Variants in CDKN2A observed in about 807,000 individuals in gnomAD.
The protein encoded by CDKN2A is cyclin-dependent kinase inhibitor 2A.
Under a neutral mutation model 11.1 loss-of-function variants are expected in CDKN2A, and 3 were observed. The ratio of observed to expected loss-of-function variants is 0.27; its 90% CI spans 0.12 to 0.70. The LOEUF (loss-of-function observed/expected upper bound fraction) is 0.70, where lower values mean the gene tolerates loss of function less well. Ranked by LOEUF, CDKN2A falls within the 30% of genes least tolerant of loss-of-function variation. CDKN2A has a pLI of 0.77. For synonymous variants in CDKN2A, 122 were observed against 108.1 expected (o/e 1.13, Z -0.80); for missense variants, 265 against 233.6 (o/e 1.13, Z -0.88).
chr9:21,971,067 G>T lies in CDKN2A; in HGVS notation c.292C>A (p.His98Asn), dbSNP rs1064793953. 1 of 1,605,636 alleles carries T rather than the reference G, an allele frequency of 6.2e-7. No individual in the cohort carries two copies. The change falls in exon 2 of 3, where the codon CAC (histidine) becomes AAC (asparagine). Residue 98 changes from histidine (H) to asparagine (N), a missense_variant. His to Asn is a moderately conservative substitution (Grantham distance 68, BLOSUM62 1). Transcript: ENST00000304494. ...EGFLDTLVVL[H>N]RAGARLDVRD... ...ACGTCCAGCCGCGCCCCGGCCCGGT[G>T]CAGCACCACCAGCGTGTCCAGGAAG... is the stretch of plus-strand genomic sequence containing the variant.
rs1554659233 is a variant in CDKN2A, at chr9:21,994,278, C to T, written c.-175-225G>A. On this transcript the variant is annotated intron_variant, in intron 1 of 3. Transcript: ENST00000494262. ...TGTGAACCACGAAAACCCTCACTCG[C>T]GGCGGGCCGCACGCGCGCCGAATCC... 6.2e-7 allele frequency: 1 copy of T among 1,604,010 alleles called. No individual in the cohort carries two copies.
chr9:21,970,525 C>T (rs756846704), intron 2 of CDKN2A: 2 of 483,624 alleles, frequency 4.1e-6, no homozygotes, highest in Non-Finnish European at 7.4e-6. Flanking sequence ...AATGAGGAAA[C>T]AGACCTGGTA....
intron 2 of CDKN2A, chr9:21,969,618 C>A: frequency 2.6e-6 from 1 of 383,528 alleles, no homozygotes; most frequent in Non-Finnish European, 4.6e-6. Context: ...TATTCATTTG[C>A]TTGTGGCCCA....
chr9:21,976,378 CA>C (rs71336505), upstream of CDKN2A, among the ~76,000 whole-genome samples: 20,623 of 123,900 alleles, frequency 0.17, 1,665 homozygotes, highest in Admixed American at 0.26. Context: ...GACTCCGACT[CA>C]AAAAAAAAAA....
upstream of CDKN2A, among the ~76,000 whole-genome samples, chr9:21,975,510 A>C (rs1273608072): frequency 6.6e-6 from 1 of 151,404 alleles, no homozygotes; most frequent in East Asian, 2.0e-4. Context: ...GGGTTCACTA[A>C]GTCAGAAACC....
At chr9:21,977,598 T>G (rs1405110754), upstream of CDKN2A, among the ~76,000 whole-genome samples, 2 of 152,164 alleles carry the variant, frequency 1.3e-5, no homozygotes, top group Non-Finnish European at 2.9e-5. Context: ...ACTCCTGACC[T>G]CAGGTGATCC....
chr9:21,994,219 C>T lies in CDKN2A; in HGVS notation c.-175-166G>A, dbSNP rs1563902798. On this transcript the variant is annotated intron_variant, in intron 1 of 3. Transcript: ENST00000494262. ...CACGAGGGCCACAGCGGCGGGCGCC[C>T]CTGGCGCTGCCCACTCCCCCGTGAG... 1 of 1,605,934 alleles carries T rather than the reference C, an allele frequency of 6.2e-7. No individual in the cohort carries two copies. The highest frequency in any genetic ancestry group is 1.1e-5 in the South Asian group (1 of 90,968).
chr9:21,987,203 C>T (rs911724397), intron 2 of CDKN2A, among the ~76,000 whole-genome samples: 1 of 151,880 alleles, frequency 6.6e-6, no homozygotes, highest in African/African-American at 2.4e-5. Flanking sequence ...GACATAAAGA[C>T]CCATCATTTT....
chr9:21,971,269 T>C, intron 1 of CDKN2A, 61 bp from the exon 2 acceptor site: 1 of 1,558,880 alleles, frequency 6.4e-7, no homozygotes, highest in Non-Finnish European at 8.6e-7. Context: ...GAAAGGAAGC[T>C]TGTGTAGAGC....
Position 21,967,880 on chromosome 9 carries a change from T to A in CDKN2A, c.*349A>T. ...AGTTCACAAAATGCTTGTCATGAAG[T>A]CGACAGCTTCCGGAGGCTGCGAGGC... On this transcript the variant is annotated 3_prime_UTR_variant, in exon 3 of 3. Coordinates refer to ENST00000304494, the MANE Select transcript of CDKN2A (RefSeq NM_000077.5). The A allele has an allele frequency of 2.9e-6, 1 of 349,804 alleles. No homozygotes were observed. Among genetic ancestry groups the A allele is most frequent in the Non-Finnish European group, 5.2e-6 (1 of 191,896 alleles). The allele number at this position is 349,804 out of a possible 1,614,324, so 21.7% of individuals were successfully genotyped here. A position where few individuals can be genotyped will look rare whatever the true frequency, so the allele number is the denominator to read the frequency against.
chr9:21,980,887 G>A (rs1820157122), intron 2 of CDKN2A, among the ~76,000 whole-genome samples: 2 of 145,640 alleles, frequency 1.4e-5, no homozygotes, highest in Non-Finnish European at 1.5e-5. Context: ...TGAACCCGGG[G>A]GGCGGAGCTT....
intron 1 of CDKN2A, chr9:21,994,773 C>G: frequency 5.2e-6 from 1 of 191,022 alleles, no homozygotes; most frequent in Non-Finnish European, 1.1e-5. Context: ...GAACGCAACT[C>G]CAGGCAGCTC....
chr9:21,975,981 A>G (rs900898253), upstream of CDKN2A, among the ~76,000 whole-genome samples: 1 of 152,228 alleles, frequency 6.6e-6, no homozygotes, highest in Non-Finnish European at 1.5e-5. Context: ...ATTAATACAT[A>G]TAAGCCTTAA....
At chr9:21,994,497 GC>G (rs1820548202) in intron 1 of CDKN2A, 2 of 1,332,634 alleles carry the variant, frequency 1.5e-6, no homozygotes, top group Non-Finnish European at 9.6e-7. Context: ...GAGCGCGCCC[GC>G]CCCCCACCTT....
In CDKN2A at chr9:21,974,483, C is replaced by G. The variant is rs928711188; in HGVS notation, c.150+195G>C. On this transcript the variant is annotated intron_variant, in intron 1 of 2. Transcript: ENST00000304494. The surrounding 1 kb of genome is among the most constrained non-coding windows in gnomAD (Gnocchi z 5.2). ...TCTGTACGCGCGTGGCTCCTCATTCCTCTTCCTTGGCTTCCCAAGCCCCCA... is the reference window on the plus strand; with the variant it reads ...TCTGTACGCGCGTGGCTCCTCATTCGTCTTCCTTGGCTTCCCAAGCCCCCA... The G allele has an allele frequency of 5.0e-6, 8 of 1,612,768 alleles. No homozygotes were observed. The African/African-American group carries it at 6.7e-5, about 13-fold the overall frequency.
intron 2 of CDKN2A, among the ~76,000 whole-genome samples, chr9:21,983,804 T>A (rs1465888689): frequency 1.3e-5 from 2 of 151,990 alleles, no homozygotes; most frequent in Non-Finnish European, 2.9e-5. Context: ...GCCAACCATA[T>A]CCTTAATCAT....
upstream of CDKN2A, chr9:21,974,999 T>C (rs1819978985): frequency 3.6e-6 from 5 of 1,386,492 alleles, no homozygotes; most frequent in South Asian, 8.4e-5. This position sits in a 1 kb window ranked among gnomAD's most constrained non-coding sequence, Gnocchi z 5.2. Flanking sequence ...CCGCGGTATC[T>C]TTCCAGGCAA....
chr9:21,990,551 A>G (rs950317389), intron 2 of CDKN2A, among the ~76,000 whole-genome samples: 4 of 148,766 alleles, frequency 2.7e-5, no homozygotes, highest in Non-Finnish European at 5.9e-5. Context: ...AAGAAAATAA[A>G]TATCACCAAA....
rs1458525428 is a variant in CDKN2A, at chr9:21,974,208, G to A, written c.150+470C>T. Among the ~76,000 whole-genome samples, 1 of 152,104 alleles carries A rather than the reference G, an allele frequency of 6.6e-6. No individual in the cohort carries two copies. Among genetic ancestry groups the A allele is most frequent in the South Asian group, 2.1e-4 (1 of 4,824 alleles). On this transcript the variant is annotated intron_variant, in intron 1 of 2. Transcript: ENST00000304494. The surrounding 1 kb of genome is among the most constrained non-coding windows in gnomAD (Gnocchi z 5.2). ...CGCCCGGCCGCTTCTGAATAATTTC[G>A]ATCAAAATTTATATTCGATATTTAT...
Sources: gnomAD v4.1 joint callset for allele counts (sites outside exome capture counted in the v4.1 genomes callset) on GRCh38, gnomAD v4.1.1 for gene constraint, Gnocchi (gnomAD v3.1) non-coding constraint, MANE v1.5 for transcripts, NCBI Gene and HGNC (gene_info 2026-07-23, HGNC 2026-07-21) for gene names.